Variants in FSIP1 observed in about 807,000 individuals in gnomAD.
The protein encoded by FSIP1 is fibrous sheath interacting protein 1.
Under a neutral mutation model 60.9 loss-of-function variants are expected in FSIP1, and 65 were observed. The ratio of observed to expected loss-of-function variants is 1.07; its 90% confidence interval spans 0.87 to 1.31. The LOEUF (loss-of-function observed/expected upper bound fraction) is 1.31, where lower values mean the gene tolerates loss of function less well. FSIP1 is among the 40% of genes most tolerant of loss of function. The pLI is 0.00. For missense variants in FSIP1, 675 were observed against 665.5 expected (o/e 1.01, Z -0.16); for synonymous variants, 209 against 221.2 (o/e 0.94, Z 0.49).
chr15:39,601,774 A>G (rs970594222), intron 11 of FSIP1, among the ~76,000 whole-genome samples: 1 of 152,236 alleles, frequency 6.6e-6, no homozygotes, highest in Non-Finnish European at 1.5e-5. Context: ...TTGAAGACAT[A>G]ATGTAAGAAG....
At chr15:39,686,217 C>G (rs1159690426) in intron 10 of FSIP1, among the ~76,000 whole-genome samples, 1 of 152,188 alleles carries the variant, frequency 6.6e-6, no homozygotes, top group Non-Finnish European at 1.5e-5. Context: ...GATTATGTGA[C>G]CACTAGGTGG....
intron 10 of FSIP1, among the ~76,000 whole-genome samples, chr15:39,699,742 C>T (rs1479273785): frequency 6.6e-6 from 1 of 152,206 alleles, no homozygotes; most frequent in Non-Finnish European, 1.5e-5. Flanking sequence ...TTCCACACTC[C>T]TGTCACCCAT....
At chr15:39,708,220 C>G (rs1895358022) in intron 10 of FSIP1, among the ~76,000 whole-genome samples, 1 of 152,220 alleles carries the variant, frequency 6.6e-6, no homozygotes, top group East Asian at 1.9e-4. Context: ...CACAAACTCC[C>G]TGACATGTGA....
intron 10 of FSIP1, among the ~76,000 whole-genome samples, chr15:39,659,218 G>A (rs1893190658): frequency 6.6e-6 from 1 of 152,140 alleles, no homozygotes; most frequent in South Asian, 2.1e-4. Flanking sequence ...GTATTTGATA[G>A]TGGTGAAGGA....
chr15:39,733,776 C>T (rs1007130133), intron 8 of FSIP1, among the ~76,000 whole-genome samples: 6 of 152,112 alleles, frequency 3.9e-5, no homozygotes, highest in African/African-American at 1.4e-4. Context: ...AAAATGGACA[C>T]ACTGCCTACA....
intron 5 of FSIP1, among the ~76,000 whole-genome samples, chr15:39,758,020 T>C (rs1897355617): frequency 6.6e-6 from 1 of 152,108 alleles, no homozygotes; most frequent in Non-Finnish European, 1.5e-5. Context: ...TTCAAGCCCC[T>C]TGCAGCTCCA....
intron 6 of FSIP1, among the ~76,000 whole-genome samples, chr15:39,740,783 T>C (rs1024296176): frequency 1.8e-4 from 27 of 152,234 alleles, no homozygotes; most frequent in Admixed American, 2.6e-4. Context: ...TTGATGAAAA[T>C]AGCTGGAAAG....
chr15:39,669,073 C>T (rs998655699), intron 10 of FSIP1, among the ~76,000 whole-genome samples: 5 of 152,170 alleles, frequency 3.3e-5, no homozygotes, highest in African/African-American at 9.7e-5. Flanking sequence ...TCAAGAAAGG[C>T]CTTTGTGCCC....
In FSIP1 at chr15:39,659,272, G is replaced by A. The variant is rs183022816; in HGVS notation, c.1189-41027C>T. Among the ~76,000 whole-genome samples the A allele has an allele frequency of 1.9e-3, 296 of 152,280 alleles. 1 individual carries two copies. Among genetic ancestry groups the A allele is most frequent in the African/African-American group, 6.6e-3 (275 of 41,560 alleles). On this transcript the variant is annotated intron_variant, in intron 10 of 11. Transcript: ENST00000350221. ...AGTAAAAAACACTGGGCTGGACGCCGTGGCTCACACCTGTAATCCCAGCAC... is the reference window on the plus strand; with the variant it reads ...AGTAAAAAACACTGGGCTGGACGCCATGGCTCACACCTGTAATCCCAGCAC...
At chr15:39,758,560 A>G (rs1897377228) in intron 5 of FSIP1, among the ~76,000 whole-genome samples, 2 of 152,106 alleles carry the variant, frequency 1.3e-5, no homozygotes, top group Admixed American at 1.3e-4. Context: ...GTATAGAATT[A>G]CTGATAAACA....
intron 9 of FSIP1, 48 bp from the exon 10 acceptor site, chr15:39,713,629 CTG>C: frequency 6.5e-7 from 1 of 1,541,134 alleles, no homozygotes; most frequent in Non-Finnish European, 8.7e-7. Context: ...TGGAAATGTG[CTG>C]TCACATACCA....
At chr15:39,668,628 C>A (rs1164411257) in intron 10 of FSIP1, among the ~76,000 whole-genome samples, 1 of 152,170 alleles carries the variant, frequency 6.6e-6, no homozygotes, top group Non-Finnish European at 1.5e-5. Flanking sequence ...CCTTTTATTG[C>A]CAGATCAGCT....
At position 39,600,612 on chromosome 15, in the gene FSIP1, G is replaced by T; in HGVS notation, c.*268C>A. The T allele has an allele frequency of 2.9e-6, 1 of 346,420 alleles. No homozygotes were observed. 21.5% of individuals were successfully genotyped at this position (346,420 alleles called of 1,614,324 possible). On this transcript the variant is annotated 3_prime_UTR_variant, in exon 12 of 12. Coordinates refer to ENST00000350221, the MANE Select transcript of FSIP1 (RefSeq NM_152597.5). ...CTAACACGTATACATTAAAATGTTG[G>T]TTTTTATAATGAATCCTAATACTGT...
chr15:39,664,768 C>A (rs768621798), intron 10 of FSIP1, among the ~76,000 whole-genome samples: 1 of 152,124 alleles, frequency 6.6e-6, no homozygotes, highest in Non-Finnish European at 1.5e-5. Flanking sequence ...ATGTCCCTCT[C>A]TCCAAACAAT....
chr15:39,736,309 C>T (rs1348125372), intron 8 of FSIP1, among the ~76,000 whole-genome samples: 3 of 152,238 alleles, frequency 2.0e-5, no homozygotes, highest in Non-Finnish European at 4.4e-5. Flanking sequence ...CCTTCACCTG[C>T]TCCTAGACAC....
chr15:39,683,688 G>A (rs1390592387), intron 10 of FSIP1, among the ~76,000 whole-genome samples: 1 of 152,076 alleles, frequency 6.6e-6, no homozygotes, highest in Non-Finnish European at 1.5e-5. Flanking sequence ...AGGAATCAAG[G>A]GGAAAATAAT....
chr15:39,613,729 C>T (rs1429224811), intron 11 of FSIP1, among the ~76,000 whole-genome samples: 1 of 152,106 alleles, frequency 6.6e-6, no homozygotes, highest in Non-Finnish European at 1.5e-5. Flanking sequence ...AAACCGAATT[C>T]AAAAGCAATT....
At chr15:39,640,267 C>T (rs1273144126) in intron 10 of FSIP1, among the ~76,000 whole-genome samples, 1 of 152,162 alleles carries the variant, frequency 6.6e-6, no homozygotes, top group African/African-American at 2.4e-5. Flanking sequence ...GTTCATGACA[C>T]CTTGAAAATT....
intron 9 of FSIP1, among the ~76,000 whole-genome samples, chr15:39,720,010 T>A (rs1238609686): frequency 6.6e-6 from 1 of 152,178 alleles, no homozygotes; most frequent in Non-Finnish European, 1.5e-5. Context: ...AATGAGCAGA[T>A]GGTCAATAAG....
Sources: gnomAD v4.1 joint callset for allele counts (sites outside exome capture counted in the v4.1 genomes callset) on GRCh38, gnomAD v4.1.1 for gene constraint, MANE v1.5 for transcripts, NCBI Gene and HGNC (gene_info 2026-07-23, HGNC 2026-07-21) for gene names.